The following TUBGCP4 variants were observed in gnomAD, a reference collection of about 807,000 sequenced individuals.
TUBGCP4 encodes the protein tubulin gamma complex component 4.
In TUBGCP4, 54 loss-of-function variants were observed where a neutral mutation model predicts 91.6. The observed-to-expected ratio is 0.59, with a 90% CI of 0.47 to 0.74. The LOEUF is 0.74. TUBGCP4 is among the 30% of genes least tolerant of loss of function. The probability of loss-of-function intolerance (pLI) is 0.00; values close to 1 mark genes in which losing one functional copy is unlikely to be tolerated. For missense variants in TUBGCP4, 593 were observed against 800.9 expected (o/e 0.74, Z 3.13); for synonymous variants, 297 against 302.8 (o/e 0.98, Z 0.20).
At chr15:43,393,086 T>C (rs941229633) in intron 9 of TUBGCP4, among the ~76,000 whole-genome samples, 3 of 152,242 alleles carry the variant, frequency 2.0e-5, no homozygotes, top group Admixed American at 6.5e-5. Flanking sequence ...CATAATTATT[T>C]TGAGATGAAC....
chr15:43,386,166 A>G, intron 8 of TUBGCP4, 40 bp from the exon 9 acceptor site: 1 of 1,581,174 alleles, frequency 6.3e-7, no homozygotes, highest in Non-Finnish European at 8.6e-7. Context: ...TGTCCTGGGT[A>G]TTCTCCGTCC....
In TUBGCP4 at chr15:43,380,631, G is replaced by A. The variant is rs966068684; in HGVS notation, c.521+468G>A. ...AACTATATGCACAAACGTGTTCATTGCAATGTTGTCTACTATATCAGGAAA... is the reference window on the plus strand; with the variant it reads ...AACTATATGCACAAACGTGTTCATTACAATGTTGTCTACTATATCAGGAAA... On this transcript the variant is annotated intron_variant, in intron 6 of 17. Coordinates refer to ENST00000564079, the MANE Select transcript of TUBGCP4 (RefSeq NM_014444.5). Among the ~76,000 whole-genome samples the A allele has an allele frequency of 2.6e-5, 4 of 152,136 alleles. No homozygotes were observed. The East Asian group carries it at 7.7e-4, about 29-fold the overall frequency.
At chr15:43,403,518 C>A in intron 15 of TUBGCP4, 165 bp from the exon 16 acceptor site, 1 of 579,584 alleles carries the variant, frequency 1.7e-6, no homozygotes, top group Non-Finnish European at 3.1e-6. Flanking sequence ...GCATTTTGTG[C>A]GTCTGAGGGG....
intron 1 of TUBGCP4, among the ~76,000 whole-genome samples, chr15:43,373,750 G>A (rs1235314025): frequency 6.6e-5 from 10 of 150,606 alleles, no homozygotes; most frequent in Non-Finnish European, 2.9e-5. Flanking sequence ...CTGGGTTCAC[G>A]CCATTCTCCT....
chr15:43,404,453 C>G lies in TUBGCP4; in HGVS notation c.1889C>G (p.Ser630Cys). The G allele has an allele frequency of 1.2e-6, 2 of 1,614,162 alleles. No homozygotes were observed. Among genetic ancestry groups the G allele is most frequent in the Non-Finnish European group, 1.7e-6 (2 of 1,180,024 alleles). The change falls in exon 17 of 18, where the codon TCC becomes TGC. Residue 630 changes from serine to cysteine, a missense_variant. Ser to Cys is a moderately radical substitution (Grantham distance 112, BLOSUM62 -1). Transcript: ENST00000564079. ...RQSSLLFKIL[S>C]SVRNHQINSD... Reference sequence around the variant, plus strand: ...TCTTCACTCCTGTTCAAGATTCTCTCCAGTGTTCGGAATCATCAGATCAAC... The same window carrying G: ...TCTTCACTCCTGTTCAAGATTCTCTGCAGTGTTCGGAATCATCAGATCAAC...
intron 10 of TUBGCP4, 38 bp from the exon 11 acceptor site, chr15:43,395,544 CT>C (rs1336590034): frequency 1.3e-6 from 2 of 1,490,178 alleles, no homozygotes; most frequent in Non-Finnish European, 1.9e-6. Flanking sequence ...GAGCTCCTGC[CT>C]TGCTTTACTG....
chr15:43,399,518 T>A (rs193145177), intron 13 of TUBGCP4, among the ~76,000 whole-genome samples: 6 of 152,262 alleles, frequency 3.9e-5, no homozygotes, highest in South Asian at 2.1e-4. Flanking sequence ...CTAATTTTTT[T>A]AATTTTTAGT....
chr15:43,373,078 T>G (rs2044149176), intron 1 of TUBGCP4, among the ~76,000 whole-genome samples: 1 of 152,212 alleles, frequency 6.6e-6, no homozygotes, highest in African/African-American at 2.4e-5. Context: ...TTGTCATGAG[T>G]GCCAAGTGTT....
At chr15:43,391,581 GT>G (rs1398480327) in intron 9 of TUBGCP4, 1 of 152,168 alleles carries the variant, frequency 6.6e-6, no homozygotes, top group Non-Finnish European at 1.5e-5. Context: ...CCACTCCCAG[GT>G]GGTCACCGTA....
chr15:43,398,331 A>G, intron 13 of TUBGCP4, 152 bp downstream of exon 13: 2 of 759,354 alleles, frequency 2.6e-6, no homozygotes, highest in South Asian at 3.2e-5. Context: ...GGATCCCTTA[A>G]GCCCAGGATT....
rs2044209829 is a variant in TUBGCP4, at chr15:43,376,631, A to G, written c.330+6A>G. ...TGCTTGATTTGGAACAAGAGGTAAG[A>G]AGGAGGAGATATAGGAAACACCTCT... On this transcript the variant is annotated splice_donor_region_variant and intron_variant, in intron 3 of 17. Coordinates refer to ENST00000564079, the MANE Select transcript of TUBGCP4 (RefSeq NM_014444.5). 6.2e-7 allele frequency: 1 copy of G among 1,614,148 alleles called. No individual in the cohort carries two copies.
chr15:43,373,807 C>T (rs1242620293), intron 1 of TUBGCP4, among the ~76,000 whole-genome samples: 2 of 152,146 alleles, frequency 1.3e-5, no homozygotes, highest in Non-Finnish European at 2.9e-5. Context: ...TGCCGCCACA[C>T]CCGGCTAATT....
intron 9 of TUBGCP4, 186 bp from the exon 10 acceptor site, chr15:43,394,921 C>T: frequency 3.3e-6 from 2 of 610,532 alleles, no homozygotes; most frequent in Admixed American, 3.0e-5. Context: ...ATTAATTACC[C>T]AGTCTAAGGT....
At chr15:43,399,265 C>T in intron 13 of TUBGCP4, 4 of 644,908 alleles carry the variant, frequency 6.2e-6, no homozygotes, top group Non-Finnish European at 8.4e-6. Context: ...AGCACCTGAA[C>T]TTGCAGGGAG....
At position 43,398,024 on chromosome 15, in the gene TUBGCP4, T is replaced by C. The variant is rs1464021782; in HGVS notation, c.1280-17T>C. 6.3e-7 allele frequency: 1 copy of C among 1,590,240 alleles called. No homozygotes were observed. Among genetic ancestry groups the C allele is most frequent in the East Asian group, 2.2e-5 (1 of 44,656 alleles). ...AGTTGTTATCTTTTCTTTTTTTCTTTTCTTTTATCACAGCAGATGCTACTC... is the reference window on the plus strand; with the variant it reads ...AGTTGTTATCTTTTCTTTTTTTCTTCTCTTTTATCACAGCAGATGCTACTC... On this transcript the variant is annotated splice_polypyrimidine_tract_variant and intron_variant, in intron 12 of 17. Transcript: ENST00000564079.
intron 17 of TUBGCP4, 46 bp downstream of exon 17, chr15:43,404,598 T>A (rs1189491935): frequency 4.4e-6 from 7 of 1,597,930 alleles, no homozygotes; most frequent in Non-Finnish European, 6.0e-6. Context: ...TAAGGTGGCT[T>A]TTTAATGAGT....
chr15:43,395,319 C>T (rs538160015), intron 10 of TUBGCP4, 162 bp downstream of exon 10: 26 of 774,186 alleles, frequency 3.4e-5, no homozygotes, highest in Middle Eastern at 2.4e-4. Context: ...CACAAATCTA[C>T]GATAATACAA....
chr15:43,399,121 A>T, intron 13 of TUBGCP4: 1 of 1,279,048 alleles, frequency 7.8e-7, no homozygotes, highest in South Asian at 1.3e-5. Context: ...GAAATAGACA[A>T]TTTTAAAAAC....
Position 43,405,678 on chromosome 15 carries a change from C to G in TUBGCP4, c.*464C>G, listed in dbSNP as rs1300784280. On this transcript the variant is annotated 3_prime_UTR_variant, in exon 18 of 18. Coordinates refer to ENST00000564079, the MANE Select transcript of TUBGCP4 (RefSeq NM_014444.5). ...AAGCAACAGGTAAGATAGGCTTTCT[C>G]TCTCCCTATACCAAGTAATTTATAC... 1 of 161,244 alleles carries G rather than the reference C, an allele frequency of 6.2e-6. No homozygotes were observed. Among genetic ancestry groups the G allele is most frequent in the Non-Finnish European group, 1.4e-5 (1 of 73,788 alleles). 10.0% of individuals were successfully genotyped at this position (161,244 alleles called of 1,614,324 possible).
Sources: gnomAD v4.1 joint callset for allele counts (sites outside exome capture counted in the v4.1 genomes callset) on GRCh38, gnomAD v4.1.1 for gene constraint, MANE v1.5 for transcripts, NCBI Gene and HGNC (gene_info 2026-07-23, HGNC 2026-07-21) for gene names.